NUMA1: variants seen among roughly 807,000 people sequenced by gnomAD.
The protein encoded by NUMA1 is nuclear mitotic apparatus protein 1.
Under a neutral mutation model 237.1 loss-of-function variants are expected in NUMA1, and 62 were observed. The observed-to-expected ratio is 0.26, with a 90% CI of 0.21 to 0.32. The LOEUF (loss-of-function observed/expected upper bound fraction) is 0.32. Among genes scored for constraint, NUMA1 ranks in the 10% least tolerant of loss-of-function variants. The pLI, the probability that NUMA1 is intolerant of heterozygous loss-of-function variation, is 1.00. For missense variants in NUMA1, 2,533 were observed against 2,666.5 expected (o/e 0.95, Z 1.10); for synonymous variants, 1,028 against 1,066.1 (o/e 0.96, Z 0.70).
At position 72,007,483 on chromosome 11, in the gene NUMA1, AT is replaced by A. The variant is rs142924918; in HGVS notation, c.5217-49del. The A allele has an allele frequency of 4.3e-3, 6,876 of 1,602,292 alleles. 251 individuals are homozygous for A. The African/African-American group carries it at 0.082, about 19-fold the overall frequency. ...GGTACAGTCCTTCACGCTAGAAGGC[AT>A]TTTGTCCAGCCCTTTTTGAAAGTGA... On this transcript the variant is annotated intron_variant, in intron 20 of 26. Coordinates refer to ENST00000393695, the MANE Select transcript of NUMA1 (RefSeq NM_006185.4).
chr11:72,046,613 A>C (rs1407512431), intron 2 of NUMA1, among the ~76,000 whole-genome samples: 1 of 151,440 alleles, frequency 6.6e-6, no homozygotes, highest in African/African-American at 2.4e-5. Flanking sequence ...GAGAGAGAGA[A>C]AGGAACAAAG....
chr11:72,042,054 C>G (rs908302522), intron 2 of NUMA1: 4 of 152,262 alleles, frequency 2.6e-5, no homozygotes, highest in East Asian at 3.9e-4. Flanking sequence ...GGCACGAGAC[C>G]GAGTACGCCA....
Position 72,056,635 on chromosome 11 carries a change from T to TAAAAAAAAAAAAAA in NUMA1, c.-33+13193_-33+13206dup, listed in dbSNP as rs59248999. 1.0e-3 allele frequency among the ~76,000 whole-genome samples: 78 copies of TAAAAAAAAAAAAAA among 75,976 alleles called. 3 individuals are homozygous for TAAAAAAAAAAAAAA. The highest frequency in any genetic ancestry group is 1.8e-3 in the East Asian group (6 of 3,312). The allele number at this position is 75,976 out of a possible 152,430, so 49.8% of individuals were successfully genotyped here. A position where few individuals can be genotyped will look rare whatever the true frequency, so the allele number is the denominator to read the frequency against. The stretch of plus-strand genomic sequence containing the variant: ...GCGCCTGACCAAGATCCCATCTCTT[T>TAAAAAAAAAAAAAA]AAAAAAAAAAAAAAAAAAAAAAAAA... On this transcript the variant is annotated intron_variant, in intron 2 of 26. Coordinates refer to ENST00000393695, the MANE Select transcript of NUMA1 (RefSeq NM_006185.4).
chr11:72,003,739 A>G (rs1590844234), intron 26 of NUMA1, 148 bp downstream of exon 26: 4 of 1,014,734 alleles, frequency 3.9e-6, no homozygotes, highest in African/African-American at 3.2e-5. Flanking sequence ...CTCTCCTTGG[A>G]GAGGAGCTAC....
intron 2 of NUMA1, among the ~76,000 whole-genome samples, chr11:72,053,101 T>C (rs1942454395): frequency 6.6e-6 from 1 of 152,136 alleles, no homozygotes; most frequent in South Asian, 2.1e-4. Flanking sequence ...AGCTGTAAAA[T>C]GGGAATAATA....
intron 2 of NUMA1, among the ~76,000 whole-genome samples, chr11:72,040,408 G>A (rs1238110347): frequency 6.6e-6 from 1 of 150,764 alleles, no homozygotes; most frequent in East Asian, 2.0e-4. Flanking sequence ...CCTGCAACCA[G>A]GCCTGCAGCC....
At chr11:72,021,339 A>C (rs890419340) in intron 7 of NUMA1, 48 bp from the exon 8 acceptor site, 10 of 1,549,400 alleles carry the variant, frequency 6.5e-6, no homozygotes, top group Non-Finnish European at 8.9e-6. Flanking sequence ...TAGGCCTCTG[A>C]AGGGATGGCT....
chr11:72,020,307 C>T (rs1938585725), intron 8 of NUMA1: 1 of 152,220 alleles, frequency 6.6e-6, no homozygotes, highest in South Asian at 2.1e-4. Flanking sequence ...ACTCACATTT[C>T]TAACATCTCC....
chr11:72,008,371 G>T, intron 20 of NUMA1: 1 of 425,484 alleles, frequency 2.4e-6, no homozygotes, highest in Non-Finnish European at 4.4e-6. Flanking sequence ...TCTCCAATGG[G>T]CCTTCCTGGC....
rs777642534 is a variant in NUMA1 at position 72,014,403 on chromosome 11, G to A, written c.3100C>T (p.Leu1034=). The part of the protein sequence containing the change: ...KAARAELEMR[L]QNALNEQRVE... Reference sequence around the variant, plus strand: ...CGCTGCTCGTTGAGGGCGTTCTGCAGCCGCATCTCAAGCTCTGCTCTGGCC... The same window carrying A: ...CGCTGCTCGTTGAGGGCGTTCTGCAACCGCATCTCAAGCTCTGCTCTGGCC... Residue 1034 remains leucine (L), a synonymous_variant, in exon 15 of 27, where the codon CTG becomes TTG. Transcript: ENST00000393695. This position sits in a 1 kb window ranked among gnomAD's most constrained non-coding sequence, Gnocchi z 4.6. 6.2e-7 allele frequency: 1 copy of A among 1,610,928 alleles called. No individual in the cohort carries two copies. The highest frequency in any genetic ancestry group is 8.5e-7 in the Non-Finnish European group (1 of 1,180,030).
chr11:72,058,769 C>T (rs1331745261), intron 2 of NUMA1, among the ~76,000 whole-genome samples: 5 of 152,102 alleles, frequency 3.3e-5, no homozygotes, highest in African/African-American at 1.2e-4. Context: ...TGGAAATGGC[C>T]TGTCTTGGCT....
intron 7 of NUMA1, 44 bp downstream of exon 7, chr11:72,022,295 C>G: frequency 7.5e-7 from 1 of 1,339,300 alleles, no homozygotes; most frequent in Non-Finnish European, 1.1e-6. Flanking sequence ...TGAGGTGAAG[C>G]ATGGGCTAGG....
chr11:72,076,509 G>C (rs1473371922), intron 1 of NUMA1: 1 of 152,294 alleles, frequency 6.6e-6, no homozygotes, highest in Non-Finnish European at 1.5e-5. Flanking sequence ...ATGAGAGCCG[G>C]GCACGGTGGC....
At chr11:72,007,862 AGCT>A (rs1281883662) in intron 20 of NUMA1, 1 of 350,844 alleles carries the variant, frequency 2.9e-6, no homozygotes, top group East Asian at 7.1e-5. Flanking sequence ...CTTCCTGAAC[AGCT>A]CCTAACCACA....
At position 72,009,115 on chromosome 11, in the gene NUMA1, C is replaced by G; in HGVS notation, c.4910G>C (p.Ser1637Thr). 1.2e-6 allele frequency: 2 copies of G among 1,612,126 alleles called. No homozygotes were observed. Among genetic ancestry groups the G allele is most frequent in the Non-Finnish European group, 1.7e-6 (2 of 1,179,630 alleles). Residue 1637 changes from serine (S) to threonine (T), a missense_variant, in exon 19 of 27, where the codon AGC (serine) becomes ACC (threonine). Ser to Thr is a moderately conservative substitution (Grantham distance 58). This residue lies in a region of NUMA1 where 795 missense variants were observed against 750.8 expected (regional missense o/e 1.06). Transcript: ENST00000393695. ...QNQELQEQLR[S>T]LEQLQKENKE... ...GTTTTCCTTCTGCAGCTGCTCCAGG[C>G]TCCGCAGCTGCTCCTGCAGCTCTTG...
intron 3 of NUMA1, among the ~76,000 whole-genome samples, chr11:72,034,658 A>G (rs1322009794): frequency 6.6e-6 from 1 of 151,908 alleles, no homozygotes; most frequent in Non-Finnish European, 1.5e-5. Flanking sequence ...CAGTGAGCCG[A>G]GATCACGCCA....
In NUMA1 at chr11:72,023,117, C is replaced by A; in HGVS notation, c.239G>T (p.Cys80Phe). Reference protein sequence around the residue: ...KNRKHPSSPECLVSAQKVLEG... With the variant: ...KNRKHPSSPEFLVSAQKVLEG... ...TAGCACCTTCTGTGCAGATACCAGG[C>A]ATTCTGGGGAAGAGGGATGTTTTCG... Residue 80 changes from cysteine to phenylalanine, a missense_variant, in exon 6 of 27, where the codon TGC becomes TTC. Coordinates refer to ENST00000393695, the MANE Select transcript of NUMA1 (RefSeq NM_006185.4). The A allele has an allele frequency of 3.1e-6, 5 of 1,613,938 alleles. No homozygotes were observed. The highest frequency in any genetic ancestry group is 4.2e-6 in the Non-Finnish European group (5 of 1,179,922).
intron 2 of NUMA1, among the ~76,000 whole-genome samples, chr11:72,055,440 A>T (rs926083910): frequency 7.9e-5 from 12 of 152,124 alleles, no homozygotes; most frequent in African/African-American, 2.9e-4. Context: ...CTCTTTCCAG[A>T]AGACTCACCT....
At chr11:72,006,582 C>T (rs1010962444) in intron 21 of NUMA1, among the ~76,000 whole-genome samples, 5 of 152,216 alleles carry the variant, frequency 3.3e-5, no homozygotes, top group African/African-American at 1.2e-4. Context: ...AGCCCCAAAT[C>T]ACACTGCTAG....
Sources: allele counts gnomAD v4.1 joint callset (sites outside exome capture counted in the v4.1 genomes callset), GRCh38; gene constraint gnomAD v4.1.1; regional missense constraint gnomAD v4.1.1; non-coding constraint Gnocchi (gnomAD v3.1); transcripts MANE v1.5; gene names NCBI Gene and HGNC (gene_info 2026-07-23, HGNC 2026-07-21).